The following ADGB variants were observed in gnomAD, a reference collection of about 807,000 sequenced individuals.
ADGB encodes calpain-7-like protein.
A neutral mutation model predicts 210.5 loss-of-function variants in ADGB; 172 were observed. The observed-to-expected ratio is 0.82, with a 90% CI of 0.72 to 0.93. ADGB has a LOEUF of 0.93. Ranked by LOEUF, ADGB falls within the 40% of genes least tolerant of loss-of-function variation. ADGB has a pLI of 0.00. For synonymous variants in ADGB, 658 were observed against 662.7 expected (o/e 0.99, Z 0.11); for missense variants, 2,025 against 1,964.8 (o/e 1.03, Z -0.58).
intron 35 of ADGB, among the ~76,000 whole-genome samples, chr6:146,812,378 G>C (rs1778315879): frequency 6.6e-6 from 1 of 152,270 alleles, no homozygotes; most frequent in African/African-American, 2.4e-5. Flanking sequence ...CATAAAACAC[G>C]AGTCACAGAA....
intron 35 of ADGB, among the ~76,000 whole-genome samples, chr6:146,809,060 C>T (rs937158581): frequency 2.0e-5 from 3 of 151,382 alleles, no homozygotes; most frequent in Admixed American, 6.6e-5. Context: ...CGCATATCTA[C>T]AGCTGTGACG....
At chr6:146,750,649 G>A (rs973352537) in intron 26 of ADGB, among the ~76,000 whole-genome samples, 8 of 152,150 alleles carry the variant, frequency 5.3e-5, no homozygotes, top group African/African-American at 1.9e-4. Flanking sequence ...AGTTGATAGA[G>A]TCCTAAGCAT....
Position 146,724,321 on chromosome 6 carries a change from C to G in ADGB, c.2231C>G (p.Pro744Arg). 1.3e-6 allele frequency: 2 copies of G among 1,530,470 alleles called. No individual in the cohort carries two copies. Among genetic ancestry groups the G allele is most frequent in the East Asian group, 4.9e-5 (2 of 40,512 alleles). 94.8% of individuals were successfully genotyped at this position (1,530,470 alleles called of 1,614,324 possible). Residue 744 changes from proline to arginine, a missense_variant, in exon 18 of 36, where the codon CCT (proline) becomes CGT (arginine). Coordinates refer to ENST00000397944, the MANE Select transcript of ADGB (RefSeq NM_024694.4). ...YATKATVVRL[P>R]VGRHMLLFNA... ...ACCAAGGCTACAGTGGTTCGTCTGC[C>G]TGTTGGGTATGAAGTGGCTTCATTT...
chr6:146,785,666 T>G lies in ADGB; in HGVS notation c.4269T>G (p.Ala1423=), dbSNP rs748346316. 6 of 1,551,264 alleles carry G rather than the reference T, an allele frequency of 3.9e-6. No homozygotes were observed. Among genetic ancestry groups the G allele is most frequent in the African/African-American group, 2.7e-5 (2 of 73,124 alleles). Residue 1423 remains alanine (A), a synonymous_variant, in exon 32 of 36, where the codon GCT becomes GCG. Transcript: ENST00000397944. Reference sequence around the variant, plus strand: ...GGTTCATTAAGAAAACATCTGATGCTGAGAGTCCGCCTATATCTGAAAGCC... The same window carrying G: ...GGTTCATTAAGAAAACATCTGATGCGGAGAGTCCGCCTATATCTGAAAGCC... ...LSGFIKKTSD[A]ESPPISESQT...
intron 28 of ADGB, among the ~76,000 whole-genome samples, chr6:146,766,742 GAAATT>G (rs749772961): frequency 5.9e-5 from 9 of 151,962 alleles, no homozygotes; most frequent in Non-Finnish European, 1.2e-4. Flanking sequence ...TCCTTTTTAA[GAAATT>G]AATGTAATCC....
At chr6:146,656,044 T>C (rs530987450) in intron 4 of ADGB, among the ~76,000 whole-genome samples, 28 of 150,534 alleles carry the variant, frequency 1.9e-4, no homozygotes, top group Admixed American at 1.8e-3. Context: ...CAAAAAAAAA[T>C]GTGAAAAATA....
intron 8 of ADGB, among the ~76,000 whole-genome samples, chr6:146,674,893 T>C (rs1353362000): frequency 1.3e-5 from 2 of 152,192 alleles, no homozygotes; most frequent in Non-Finnish European, 2.9e-5. Flanking sequence ...TTATAATTTT[T>C]ATTATGTATT....
At chr6:146,607,804 T>G (rs1285596018) in intron 1 of ADGB, among the ~76,000 whole-genome samples, 1 of 152,198 alleles carries the variant, frequency 6.6e-6, no homozygotes, top group Non-Finnish European at 1.5e-5. Flanking sequence ...AGTATTTTGT[T>G]GAGGATTTTA....
At chr6:146,789,889 G>C (rs1025992334) in intron 33 of ADGB, among the ~76,000 whole-genome samples, 1 of 152,062 alleles carries the variant, frequency 6.6e-6, no homozygotes, top group Non-Finnish European at 1.5e-5. Context: ...CCAGCTCTTT[G>C]GTCTCCATAT....
intron 1 of ADGB, among the ~76,000 whole-genome samples, chr6:146,612,071 A>G (rs1421552807): frequency 1.3e-5 from 2 of 152,038 alleles, no homozygotes; most frequent in African/African-American, 4.8e-5. Flanking sequence ...ATAAGGATTC[A>G]GGTGCCTTCA....
At chr6:146,608,230 T>C (rs1240657716) in intron 1 of ADGB, among the ~76,000 whole-genome samples, 1 of 151,960 alleles carries the variant, frequency 6.6e-6, no homozygotes, top group Non-Finnish European at 1.5e-5. Context: ...TTTTTTTTTG[T>C]ATTTCTGCAG....
chr6:146,744,349 C>G (rs955456337), intron 25 of ADGB, among the ~76,000 whole-genome samples: 14 of 152,202 alleles, frequency 9.2e-5, no homozygotes, highest in African/African-American at 3.4e-4. Flanking sequence ...CAGAGGCATC[C>G]TGACCCATAC....
intron 15 of ADGB, 109 bp from the exon 16 acceptor site, chr6:146,717,427 G>A (rs1295658345): frequency 1.7e-5 from 11 of 634,834 alleles, no homozygotes; most frequent in South Asian, 1.6e-4. Flanking sequence ...CAATACTGTT[G>A]TTATTTTTTA....
At chr6:146,628,383 T>A (rs1444334111) in intron 1 of ADGB, among the ~76,000 whole-genome samples, 2 of 151,986 alleles carry the variant, frequency 1.3e-5, no homozygotes, top group Non-Finnish European at 2.9e-5. Context: ...ACTTCAGTGT[T>A]CCTCAAGCTT....
chr6:146,724,226 C>T lies in ADGB; in HGVS notation c.2136C>T (p.Leu712=), dbSNP rs1776862379. The change falls in exon 18 of 36, where the codon CTC becomes CTT. Residue 712 remains leucine (L), a synonymous_variant. Transcript: ENST00000397944. ...KDSPPIEPGL[L]TAETFSWKSL... is the part of the protein sequence containing the mutation. ...GTCCTCCCATAGAGCCTGGACTTCT[C>T]ACAGCTGAAACGTTTTCTTGGAAAT... 1 of 1,551,158 alleles carries T rather than the reference C, an allele frequency of 6.4e-7. No homozygotes were observed.
rs138458205 is a variant in ADGB, at chr6:146,743,498, A to G, written c.3177+2227A>G. 1.5e-3 allele frequency among the ~76,000 whole-genome samples: 223 copies of G among 152,366 alleles called. 3 individuals carry two copies. The highest frequency in any genetic ancestry group is 0.01 in the Middle Eastern group (3 of 294). On this transcript the variant is annotated intron_variant, in intron 25 of 35. Coordinates refer to ENST00000397944, the MANE Select transcript of ADGB (RefSeq NM_024694.4). ...AGTGATACATTTTGAGTCAACGTTC[A>G]GAAGAACATTCCAGCTCCACTTAAC...
chr6:146,640,019 TA>T (rs964889727), intron 2 of ADGB, among the ~76,000 whole-genome samples: 7 of 151,824 alleles, frequency 4.6e-5, no homozygotes, highest in African/African-American at 1.7e-4. Context: ...CTAGCTAGGC[TA>T]ATAACAAAGA....
intron 9 of ADGB, among the ~76,000 whole-genome samples, chr6:146,684,715 CA>C (rs1776199183): frequency 6.6e-6 from 1 of 152,032 alleles, no homozygotes; most frequent in South Asian, 2.1e-4. Context: ...CAAGCCTCTG[CA>C]GAGTTAGTTA....
At chr6:146,694,108 C>A (rs1156613819) in intron 12 of ADGB, among the ~76,000 whole-genome samples, 1 of 152,160 alleles carries the variant, frequency 6.6e-6, no homozygotes, top group African/African-American at 2.4e-5. Context: ...CCTCCAAACT[C>A]TTCCAGCCTT....
Sources: allele counts gnomAD v4.1 joint callset (sites outside exome capture counted in the v4.1 genomes callset), GRCh38; gene constraint gnomAD v4.1.1; transcripts MANE v1.5; gene names NCBI Gene and HGNC (gene_info 2026-07-23, HGNC 2026-07-21).